POU6F2: variants seen among roughly 807,000 people sequenced by gnomAD.
The protein encoded by POU6F2 is POU class 6 homeobox 2.
POU6F2 carries 31 observed loss-of-function variants against 71.3 expected under a neutral mutation model. That is an observed-to-expected ratio of 0.43 (90% confidence interval 0.33 to 0.59). The LOEUF (loss-of-function observed/expected upper bound fraction) is 0.59, where lower values mean the gene tolerates loss of function less well. POU6F2 is among the 20% of genes least tolerant of loss of function. POU6F2 has a pLI of 0.04. For synonymous variants in POU6F2, 347 were observed against 355.7 expected (o/e 0.98, Z 0.27); for missense variants, 783 against 856.8 (o/e 0.91, Z 1.07).
intron 5 of POU6F2, among the ~76,000 whole-genome samples, chr7:39,384,741 C>T (rs996483895): frequency 2.0e-5 from 3 of 152,308 alleles, no homozygotes; most frequent in African/African-American, 7.2e-5. Context: ...CTCTCTTCCG[C>T]AGTTAGTCCT....
chr7:39,244,146 A>G (rs1156606413), intron 4 of POU6F2, among the ~76,000 whole-genome samples: 1 of 142,558 alleles, frequency 7.0e-6, no homozygotes. Context: ...TTCAATTAAA[A>G]CTTCATATAA....
chr7:39,099,857 C>T (rs1286863059), intron 2 of POU6F2, among the ~76,000 whole-genome samples: 1 of 152,164 alleles, frequency 6.6e-6, no homozygotes, highest in African/African-American at 2.4e-5. Flanking sequence ...GATGGGGGTT[C>T]TCTTGGGAGC....
chr7:39,015,492 ATATAT>A (rs1175299080), intron 1 of POU6F2, among the ~76,000 whole-genome samples: 18 of 98,974 alleles, frequency 1.8e-4, no homozygotes, highest in South Asian at 3.1e-4. Flanking sequence ...TTTTATATAG[ATATAT>A]TATATATTAT....
chr7:39,360,364 C>T (rs927553176), intron 5 of POU6F2, among the ~76,000 whole-genome samples: 6 of 152,152 alleles, frequency 3.9e-5, no homozygotes, highest in Admixed American at 1.3e-4. Context: ...GGGAGAGAGA[C>T]GAGATACAAG....
intron 2 of POU6F2, among the ~76,000 whole-genome samples, chr7:39,175,890 C>T (rs1793317980): frequency 6.6e-6 from 1 of 152,190 alleles, no homozygotes; most frequent in Admixed American, 6.5e-5. Context: ...GCACCCACTC[C>T]ACTGAGCAGA....
At chr7:38,985,188 T>C (rs959929763) in intron 1 of POU6F2, among the ~76,000 whole-genome samples, 2 of 152,146 alleles carry the variant, frequency 1.3e-5, no homozygotes, top group Admixed American at 6.6e-5. Context: ...GTAGGGACTA[T>C]GGCACGCCAA....
chr7:39,124,080 T>C (rs1240896827), intron 2 of POU6F2, among the ~76,000 whole-genome samples: 2 of 146,124 alleles, frequency 1.4e-5, no homozygotes, highest in Admixed American at 7.0e-5. Flanking sequence ...AGAGTCTTGC[T>C]CTGTCACCCC....
At chr7:39,224,116 G>A (rs1794418030) in intron 4 of POU6F2, among the ~76,000 whole-genome samples, 1 of 152,108 alleles carries the variant, frequency 6.6e-6, no homozygotes, top group African/African-American at 2.4e-5. Flanking sequence ...GCAGGATAAG[G>A]TAGCCAGGTC....
intron 4 of POU6F2, among the ~76,000 whole-genome samples, chr7:39,212,955 C>A (rs929478982): frequency 6.6e-6 from 1 of 152,128 alleles, no homozygotes; most frequent in Non-Finnish European, 1.5e-5. Flanking sequence ...TGACAACAGG[C>A]AGCAAAAGGG....
intron 2 of POU6F2, among the ~76,000 whole-genome samples, chr7:39,158,627 A>G (rs776562851): frequency 5.3e-5 from 8 of 152,180 alleles, no homozygotes; most frequent in Non-Finnish European, 8.8e-5. Context: ...TGAAGTTCTC[A>G]TATCCAAGGG....
At position 39,327,718 on chromosome 7, in the gene POU6F2, T is replaced by G. The variant is rs78932579; in HGVS notation, c.599-11924T>G. ...ATAAAATTCTGTGTACATATATATA[T>G]AGACATATATATAAAATTTCTTCAT... On this transcript the variant is annotated intron_variant, in intron 4 of 9. Coordinates refer to ENST00000518318, the MANE Select transcript of POU6F2 (RefSeq NM_001370959.1). Among the ~76,000 whole-genome samples, 3 of 151,802 alleles carry G rather than the reference T, an allele frequency of 2.0e-5. No homozygotes were observed. The South Asian group carries it at 6.2e-4, about 31-fold the overall frequency.
Position 39,443,645 on chromosome 7 carries a change from T to C in POU6F2, c.1321-7888T>C, listed in dbSNP as rs1400591332. ...GGCAAATTGACAGGAGATGCACAAG[T>C]GTGAGTCCCAGATGTAAAAGCTGTG... is the stretch of plus-strand genomic sequence containing the variant. On this transcript the variant is annotated intron_variant, in intron 7 of 9. Coordinates refer to ENST00000518318, the MANE Select transcript of POU6F2 (RefSeq NM_001370959.1). 3.3e-5 allele frequency among the ~76,000 whole-genome samples: 5 copies of C among 152,330 alleles called. No individual in the cohort carries two copies. The East Asian group carries it at 9.6e-4, about 29-fold the overall frequency.
At chr7:38,998,874 G>A (rs1244818875) in intron 1 of POU6F2, among the ~76,000 whole-genome samples, 2 of 145,804 alleles carry the variant, frequency 1.4e-5, no homozygotes, top group African/African-American at 5.1e-5. Flanking sequence ...CCATGTTAGC[G>A]AGGATGGTCT....
intron 1 of POU6F2, among the ~76,000 whole-genome samples, chr7:39,069,646 G>A (rs892581468): frequency 6.6e-6 from 1 of 151,886 alleles, no homozygotes. Context: ...ATAAACATTC[G>A]ATTAACACTT....
chr7:39,092,379 T>C (rs1031637682), intron 2 of POU6F2, among the ~76,000 whole-genome samples: 18 of 152,232 alleles, frequency 1.2e-4, no homozygotes, highest in Non-Finnish European at 1.8e-4. Flanking sequence ...TGTTCAGCTT[T>C]TCTTTTATTC....
intron 4 of POU6F2, among the ~76,000 whole-genome samples, chr7:39,266,303 G>A (rs1784239203): frequency 6.6e-6 from 1 of 152,170 alleles, no homozygotes; most frequent in African/African-American, 2.4e-5. Flanking sequence ...GCATTGACCA[G>A]GAAGAAGGGT....
intron 4 of POU6F2, among the ~76,000 whole-genome samples, chr7:39,226,668 A>G (rs565081190): frequency 1.1e-3 from 172 of 152,352 alleles, no homozygotes; most frequent in Non-Finnish European, 1.9e-3. Flanking sequence ...TGTTAGCAGT[A>G]TGGTAAATTT....
At chr7:39,060,123 G>A (rs1377225484) in intron 1 of POU6F2, among the ~76,000 whole-genome samples, 4 of 151,802 alleles carry the variant, frequency 2.6e-5, no homozygotes, top group Non-Finnish European at 5.9e-5. Context: ...CAGGAGAATC[G>A]CTTGAACCCA....
chr7:39,040,116 ATT>A (rs759768094), intron 1 of POU6F2, among the ~76,000 whole-genome samples: 93 of 2,556 alleles, frequency 0.036, 1 homozygote, highest in Non-Finnish European at 0.056. Flanking sequence ...TATTATATAC[ATT>A]TATATATATA....
Sources: gnomAD v4.1 joint callset for allele counts (sites outside exome capture counted in the v4.1 genomes callset) on GRCh38, gnomAD v4.1.1 for gene constraint, MANE v1.5 for transcripts, NCBI Gene and HGNC (gene_info 2026-07-23, HGNC 2026-07-21) for gene names.